The following PIGG variants were observed in gnomAD, a reference collection of about 807,000 sequenced individuals.
PIGG encodes phosphatidylinositol glycan anchor biosynthesis class G (EMM blood group).
PIGG carries 70 observed loss-of-function variants against 83.2 expected under a neutral mutation model. The ratio of observed to expected loss-of-function variants is 0.84; its 90% CI spans 0.69 to 1.03. The LOEUF (loss-of-function observed/expected upper bound fraction) is 1.03. Among genes scored for constraint, PIGG ranks in the 50% least tolerant of loss-of-function variants. PIGG has a pLI of 0.00. For synonymous variants in PIGG, 532 were observed against 519.5 expected, an observed-to-expected ratio of 1.02 and a Z score of -0.33; for missense variants, 1,257 against 1,233.6, an observed-to-expected ratio of 1.02 and a Z score of -0.28.
In PIGG at chr4:510,046, G is replaced by A. The variant is rs900211431; in HGVS notation, c.901+1076G>A. ...TATCTTTTTATGAAGCTTCTTGGCCGAGACCAGCTCGGTCCGGGAGACTTT... is the reference window on the plus strand; with the variant it reads ...TATCTTTTTATGAAGCTTCTTGGCCAAGACCAGCTCGGTCCGGGAGACTTT... On this transcript the variant is annotated intron_variant, in intron 5 of 12. Coordinates refer to ENST00000453061, the MANE Select transcript of PIGG (RefSeq NM_001127178.3). 7.2e-5 allele frequency among the ~76,000 whole-genome samples: 11 copies of A among 152,212 alleles called. 1 individual carries two copies. Among genetic ancestry groups the A allele is most frequent in the Admixed American group, 4.6e-4 (7 of 15,284 alleles).
chr4:526,768 A>G (rs1727739343), intron 9 of PIGG, among the ~76,000 whole-genome samples: 1 of 151,180 alleles, frequency 6.6e-6, no homozygotes, highest in African/African-American at 2.4e-5. Flanking sequence ...GACTGGTCTC[A>G]AATTCCTGGC....
Position 528,310 on chromosome 4 carries a change from G to C in PIGG, c.2261+1080G>C, listed in dbSNP as rs1167501310. 1.2e-5 allele frequency: 12 copies of C among 983,954 alleles called. No homozygotes were observed. The East Asian group carries it at 1.0e-3, about 84-fold the overall frequency. 61.0% of individuals were successfully genotyped at this position (983,954 alleles called of 1,614,324 possible). ...TTAGGACCTGAAATCATAAGATTGT[G>C]GTCTTGCTTTTTACTTATTTTTGTA... On this transcript the variant is annotated intron_variant, in intron 10 of 12. Transcript: ENST00000453061. This position sits in a 1 kb window ranked among gnomAD's most constrained non-coding sequence, Gnocchi z 4.8.
intron 2 of PIGG, among the ~76,000 whole-genome samples, chr4:503,460 C>A (rs1272173804): frequency 6.6e-6 from 1 of 152,204 alleles, no homozygotes; most frequent in Admixed American, 6.5e-5. Context: ...CCTTGCCCTT[C>A]ATCCACACAG....
chr4:539,303 G>T lies in PIGG; in HGVS notation c.2886G>T (p.Leu962=). ...AACTTCTCTACGAGGGAATGCACCT[G>T]CTCATTACAGCTGCTGTCTGTGTAT... is the stretch of plus-strand genomic sequence containing the variant. ...SPKLLYEGMH[L]LITAAVCVFF... The change falls in exon 13 of 13, where the codon CTG becomes CTT. Residue 962 remains leucine, a synonymous_variant. Transcript: ENST00000453061. 4 of 1,613,592 alleles carry T rather than the reference G, an allele frequency of 2.5e-6. No individual in the cohort carries two copies. The highest frequency in any genetic ancestry group is 2.5e-6 in the Non-Finnish European group (3 of 1,179,564).
chr4:533,322 T>G lies in PIGG; in HGVS notation c.2572-496T>G, dbSNP rs28376174. 1,348 of 162,688 alleles carry G rather than the reference T, an allele frequency of 8.3e-3. 25 individuals carry two copies. Among genetic ancestry groups the G allele is most frequent in the African/African-American group, 0.031 (1,286 of 41,966 alleles). The allele number at this position is 162,688 out of a possible 1,614,324, so 10.1% of individuals were successfully genotyped here. A position where few individuals can be genotyped will look rare whatever the true frequency, so the allele number is the denominator to read the frequency against. ...GCCTGCCCTCCACCATATAACCCAC[T>G]GGCAGCACCTCACCGTAGATGGGAC... On this transcript the variant is annotated intron_variant, in intron 11 of 12. Transcript: ENST00000453061.
At chr4:524,268 G>C (rs950394721) in intron 9 of PIGG, among the ~76,000 whole-genome samples, 1 of 152,218 alleles carries the variant, frequency 6.6e-6, no homozygotes, top group Admixed American at 6.5e-5. Context: ...TGCCTGGGCT[G>C]TGTGCCCCCC....
chr4:510,366 A>G (rs1721477977), intron 5 of PIGG, among the ~76,000 whole-genome samples: 1 of 152,220 alleles, frequency 6.6e-6, no homozygotes, highest in East Asian at 1.9e-4. Context: ...TTTGTGGCTT[A>G]AGAATGCCTT....
intron 2 of PIGG, 87 bp downstream of exon 2, chr4:500,688 C>G: frequency 3.5e-6 from 3 of 855,022 alleles, no homozygotes; most frequent in Non-Finnish European, 5.8e-6. Flanking sequence ...CTTGGAGTTG[C>G]AATTTTAAGA....
At position 530,676 on chromosome 4, in the gene PIGG, C is replaced by T. The variant is rs759114782; in HGVS notation, c.2502C>T (p.Pro834=). 3.7e-6 allele frequency: 6 copies of T among 1,613,724 alleles called. No individual in the cohort carries two copies. The Admixed American group carries it at 8.3e-5, about 22-fold the overall frequency. ...TAATGACTAAATTCATCTGGAAGCC[C>T]CTGAGACACGATGCAGCTGAGATTA... is the stretch of plus-strand genomic sequence containing the variant. The part of the protein sequence containing the change: ...QTLMTKFIWK[P]LRHDAAEITV... The change falls in exon 11 of 13, where the codon CCC becomes CCT. Residue 834 remains proline, a synonymous_variant. Transcript: ENST00000453061.
At chr4:517,202 G>A (rs745996286) in intron 6 of PIGG, among the ~76,000 whole-genome samples, 11 of 152,280 alleles carry the variant, frequency 7.2e-5, no homozygotes, top group Non-Finnish European at 1.0e-4. Flanking sequence ...AGGCGCCCTC[G>A]TGGAGGATTC....
At chr4:503,673 C>CA (rs1290865307) in intron 2 of PIGG, among the ~76,000 whole-genome samples, 1 of 144,672 alleles carries the variant, frequency 6.9e-6, no homozygotes, top group Non-Finnish European at 1.6e-5. Context: ...CGTTATTGTA[C>CA]AGCTACACAC....
At position 505,807 on chromosome 4, in the gene PIGG, A is replaced by T. The variant is rs1350106444; in HGVS notation, c.450A>T (p.Gln150His). ...TGCTGGAAGACAGTGTGATAAGACA[A>T]GCAAAAGCAGCTGGAAAAAGAATAG... ...PALLEDSVIR[Q>H]AKAAGKRIVF... Residue 150 changes from glutamine (Q) to histidine (H), a missense_variant, in exon 3 of 13, where the codon CAA (glutamine) becomes CAT (histidine). Physicochemically the swap from Gln to His is conservative, Grantham distance 24. Transcript: ENST00000453061. The T allele has an allele frequency of 6.2e-7, 1 of 1,613,548 alleles. No homozygotes were observed. The highest frequency in any genetic ancestry group is 8.5e-7 in the Non-Finnish European group (1 of 1,179,878).
Position 499,429 on chromosome 4 carries a change from G to T in PIGG, c.94G>T (p.Val32Phe), listed in dbSNP as rs1366589970. The T allele has an allele frequency of 6.2e-7, 1 of 1,607,162 alleles. No homozygotes were observed. Among genetic ancestry groups the T allele is most frequent in the Non-Finnish European group, 8.5e-7 (1 of 1,179,682 alleles). ...CCTTCGGGGATTCTTCCCGGCTCCCGTTCGTTCCTCTGCCAGAGCGGAACA... is the reference window on the plus strand; with the variant it reads ...CCTTCGGGGATTCTTCCCGGCTCCCTTTCGTTCCTCTGCCAGAGCGGAACA... Reference protein sequence around the residue: ...VFLRGFFPAPVRSSARAEHGA... With the variant: ...VFLRGFFPAPFRSSARAEHGA... The change falls in exon 1 of 13, where the codon GTT becomes TTT. Residue 32 changes from valine to phenylalanine, a missense_variant. By Grantham distance (50) the Val-to-Phe change is conservative. Coordinates refer to ENST00000453061, the MANE Select transcript of PIGG (RefSeq NM_001127178.3).
intron 12 of PIGG, among the ~76,000 whole-genome samples, chr4:535,350 C>CGCTT (rs1730227203): frequency 8.5e-6 from 1 of 117,000 alleles, no homozygotes; most frequent in African/African-American, 3.9e-5. Context: ...CCGTGCTCCA[C>CGCTT]GCTTGTCCCT....
chr4:512,305 C>T (rs544424092), intron 5 of PIGG, among the ~76,000 whole-genome samples: 137 of 150,222 alleles, frequency 9.1e-4, no homozygotes, highest in Middle Eastern at 3.4e-3. Flanking sequence ...CTGCCACCTC[C>T]GCCTCCCGGG....
At chr4:523,985 T>C in intron 9 of PIGG, 72 bp downstream of exon 9, 2 of 999,668 alleles carry the variant, frequency 2.0e-6, no homozygotes, top group Non-Finnish European at 2.9e-6. Flanking sequence ...GCTCTTCTTT[T>C]TCTAAATTGA....
chr4:526,834 C>A, intron 9 of PIGG: 1 of 629,196 alleles, frequency 1.6e-6, no homozygotes, highest in Non-Finnish European at 2.7e-6. Context: ...TGGTGTGAGC[C>A]ACCACACCCC....
chr4:534,181 C>T (rs976954345), intron 12 of PIGG, among the ~76,000 whole-genome samples, 200 bp downstream of exon 12: 8 of 151,904 alleles, frequency 5.3e-5, no homozygotes, highest in African/African-American at 1.7e-4. Context: ...GGGCCAGGGT[C>T]GGGTCTGACG....
chr4:530,775 G>C (rs1728860895), intron 11 of PIGG, 30 bp downstream of exon 11: 1 of 1,374,620 alleles, frequency 7.3e-7, no homozygotes, highest in Admixed American at 2.2e-5. Flanking sequence ...ATGGGTAGTA[G>C]ACTTCATGTT....
Sources: gnomAD v4.1 joint callset for allele counts (sites outside exome capture counted in the v4.1 genomes callset) on GRCh38, gnomAD v4.1.1 for gene constraint, Gnocchi (gnomAD v3.1) non-coding constraint, MANE v1.5 for transcripts, NCBI Gene and HGNC (gene_info 2026-07-23, HGNC 2026-07-21) for gene names.